Variants in PSD3 observed in about 807,000 individuals in gnomAD.
PSD3 encodes the protein pleckstrin and Sec7 domain containing 3.
Under a neutral mutation model 105.5 loss-of-function variants are expected in PSD3, and 49 were observed. That is an observed-to-expected ratio of 0.46 (90% CI 0.37 to 0.59). The LOEUF is 0.59. PSD3 is among the 20% of genes least tolerant of loss of function. PSD3 has a pLI of 0.00. For synonymous variants in PSD3, 557 were observed against 457.8 expected, an observed-to-expected ratio of 1.22 and a Z score of -2.77; for missense variants, 1,561 against 1,263.8, an observed-to-expected ratio of 1.24 and a Z score of -3.57.
intron 2 of PSD3, among the ~76,000 whole-genome samples, chr8:18,925,386 A>T (rs1160715249): frequency 6.8e-6 from 1 of 148,096 alleles, no homozygotes; most frequent in African/African-American, 2.6e-5. Context: ...ACTATCTCTA[A>T]AAGTATATAT....
chr8:18,723,126 A>C (rs1585732170), intron 9 of PSD3, among the ~76,000 whole-genome samples: 1 of 152,102 alleles, frequency 6.6e-6, no homozygotes, highest in African/African-American at 2.4e-5. Flanking sequence ...ACACAGCAAA[A>C]CTCATGCCTC....
At chr8:18,608,618 C>T (rs1805035471) in intron 11 of PSD3, among the ~76,000 whole-genome samples, 1 of 152,052 alleles carries the variant, frequency 6.6e-6, no homozygotes, top group Non-Finnish European at 1.5e-5. Context: ...AATATTTTGG[C>T]TTTAGTTATT....
At position 18,803,180 on chromosome 8, in the gene PSD3, G is replaced by A. The variant is rs147662858; in HGVS notation, c.1910+1342C>T. ...TGCGTACCTGTAGTCCCAGTTATTCGGGAGGCTGATTCAGGAGAACTGCTT... is the reference window on the plus strand; with the variant it reads ...TGCGTACCTGTAGTCCCAGTTATTCAGGAGGCTGATTCAGGAGAACTGCTT... On this transcript the variant is annotated intron_variant, in intron 6 of 15. Transcript: ENST00000327040. 5.8e-3 allele frequency: 1,393 copies of A among 241,006 alleles called. 19 individuals carry two copies. Among genetic ancestry groups the A allele is most frequent in the African/African-American group, 0.03 (1,271 of 42,558 alleles). 14.9% of individuals were successfully genotyped at this position (241,006 alleles called of 1,614,324 possible).
intron 1 of PSD3, chr8:18,940,104 A>T (rs1311223636): frequency 6.6e-6 from 1 of 152,194 alleles, no homozygotes; most frequent in Admixed American, 6.5e-5. Flanking sequence ...CACCAAGTAA[A>T]ACACGTACTG....
intron 4 of PSD3, among the ~76,000 whole-genome samples, chr8:18,846,952 A>T (rs1586209232): frequency 6.6e-6 from 1 of 152,250 alleles, no homozygotes; most frequent in South Asian, 2.1e-4. Context: ...GGAAAACCCC[A>T]GGCCCCACCC....
chr8:18,980,474 T>C (rs1825195884), intron 1 of PSD3, among the ~76,000 whole-genome samples: 1 of 152,174 alleles, frequency 6.6e-6, no homozygotes. Context: ...GTTGGTTGGT[T>C]GGGTTTTATC....
At chr8:18,609,915 A>T (rs1359975248) in intron 11 of PSD3, among the ~76,000 whole-genome samples, 3 of 152,234 alleles carry the variant, frequency 2.0e-5, no homozygotes, top group Non-Finnish European at 4.4e-5. Flanking sequence ...AAGCTGAGCA[A>T]AGGAAAATTT....
chr8:18,730,779 G>C (rs1165890384), intron 9 of PSD3, among the ~76,000 whole-genome samples: 1 of 152,116 alleles, frequency 6.6e-6, no homozygotes, highest in African/African-American at 2.4e-5. Context: ...TTAAGATTCT[G>C]TGGGCACTGT....
rs533987839 is a variant in PSD3 at position 18,643,586 on chromosome 8, G to GA, written c.2217-10781dup. 4.1e-3 allele frequency among the ~76,000 whole-genome samples: 627 copies of GA among 152,258 alleles called. 3 individuals carry two copies. The highest frequency in any genetic ancestry group is 0.015 in the African/African-American group (611 of 41,542). On this transcript the variant is annotated intron_variant, in intron 10 of 15. Transcript: ENST00000327040. ...ACATAGATGCTCCCATTCCAAAAGGGAGAAATAGGCAAGAAAAAAGAATGA... is the reference window on the plus strand; with the variant it reads ...ACATAGATGCTCCCATTCCAAAAGGGAAGAAATAGGCAAGAAAAAAGAATGA...
In PSD3 at chr8:18,765,448, C is replaced by T; in HGVS notation, c.2172+1G>A. 2 of 1,602,398 alleles carry T rather than the reference C, an allele frequency of 1.2e-6. No homozygotes were observed. The highest frequency in any genetic ancestry group is 1.7e-6 in the Non-Finnish European group (2 of 1,169,304). On this transcript the variant is annotated splice_donor_variant, in intron 9 of 15. Transcript: ENST00000327040. LOFTEE classifies it high-confidence loss of function. The stretch of plus-strand genomic sequence containing the variant: ...CTAAAAACCAATAGTTCCATGCTTA[C>T]TTTCAGCAGATCCTTGGAGAAATCA...
intron 1 of PSD3, among the ~76,000 whole-genome samples, chr8:19,034,399 C>T (rs1204085614): frequency 2.6e-5 from 4 of 152,186 alleles, no homozygotes; most frequent in Non-Finnish European, 2.9e-5. Context: ...ACCTCACCCT[C>T]AAAGCAGGAA....
intron 8 of PSD3, among the ~76,000 whole-genome samples, chr8:18,798,117 G>C (rs1810351175): frequency 6.6e-6 from 1 of 152,124 alleles, no homozygotes; most frequent in South Asian, 2.1e-4. Flanking sequence ...GATTGCGGTA[G>C]TCATGTCAAG....
At chr8:18,627,242 G>A (rs1392552986) in intron 11 of PSD3, among the ~76,000 whole-genome samples, 1 of 152,004 alleles carries the variant, frequency 6.6e-6, no homozygotes, top group East Asian at 1.9e-4. Flanking sequence ...GCTGAGTTGA[G>A]GAGGTAAGAA....
intron 1 of PSD3, among the ~76,000 whole-genome samples, chr8:19,051,985 A>C (rs757882734): frequency 6.6e-6 from 1 of 152,254 alleles, no homozygotes; most frequent in African/African-American, 2.4e-5. Flanking sequence ...TAGAAATAAA[A>C]TTAGATCAAA....
chr8:18,661,815 A>C (rs1376437892), intron 9 of PSD3, among the ~76,000 whole-genome samples: 1 of 152,174 alleles, frequency 6.6e-6, no homozygotes, highest in East Asian at 1.9e-4. Flanking sequence ...GTACATACAG[A>C]AGATGAGTTT....
upstream of PSD3, among the ~76,000 whole-genome samples, chr8:19,015,893 C>G (rs920594821): frequency 1.7e-4 from 26 of 152,120 alleles, no homozygotes; most frequent in Non-Finnish European, 8.8e-5. Flanking sequence ...ATCCCTGAAG[C>G]CAAAATATTT....
chr8:18,803,555 C>G (rs1810924860), intron 6 of PSD3, among the ~76,000 whole-genome samples: 1 of 152,042 alleles, frequency 6.6e-6, no homozygotes, highest in South Asian at 2.1e-4. Context: ...CAAGCGTGTC[C>G]TGAAGCTGAC....
At chr8:18,899,977 C>G (rs938039568) in intron 2 of PSD3, among the ~76,000 whole-genome samples, 2 of 151,846 alleles carry the variant, frequency 1.3e-5, no homozygotes, top group African/African-American at 4.8e-5. Flanking sequence ...CTTTGTGGAA[C>G]TGTTTTCCAG....
chr8:18,625,905 T>C, intron 11 of PSD3, among the ~76,000 whole-genome samples: 1 of 131,106 alleles, frequency 7.6e-6, no homozygotes, highest in South Asian at 2.4e-4. Context: ...GTGTAGATCA[T>C]TTATATTTTG....
Sources: allele counts gnomAD v4.1 joint callset (sites outside exome capture counted in the v4.1 genomes callset), GRCh38; gene constraint gnomAD v4.1.1; transcripts MANE v1.5; gene names NCBI Gene and HGNC (gene_info 2026-07-23, HGNC 2026-07-21).